RBBP8: variants seen among roughly 807,000 people sequenced by gnomAD.
RBBP8 encodes the protein DNA endonuclease RBBP8.
Under a neutral mutation model 108.3 loss-of-function variants are expected in RBBP8, and 88 were observed. That is an observed-to-expected ratio of 0.81 (90% confidence interval 0.68 to 0.97). RBBP8 has a LOEUF of 0.97. RBBP8 is among the 50% of genes least tolerant of loss of function. RBBP8 has a pLI of 0.00. For synonymous variants in RBBP8, 332 were observed against 348.2 expected, an observed-to-expected ratio of 0.95 and a Z score of 0.52; for missense variants, 1,023 against 1,049.0, an observed-to-expected ratio of 0.98 and a Z score of 0.34.
At chr18:22,999,043 C>G (rs1461928970) in intron 14 of RBBP8, among the ~76,000 whole-genome samples, 1 of 152,060 alleles carries the variant, frequency 6.6e-6, no homozygotes, top group African/African-American at 2.4e-5. Context: ...AAAGTATGAC[C>G]ACTTTAAATC....
chr18:22,995,046 A>T (rs1166362021), intron 12 of RBBP8, among the ~76,000 whole-genome samples: 5 of 149,968 alleles, frequency 3.3e-5, no homozygotes, highest in African/African-American at 7.4e-5. Context: ...TAAAAAAGTA[A>T]TTTTTTTTTT....
chr18:22,943,934 T>C (rs1297944956), intron 2 of RBBP8, among the ~76,000 whole-genome samples: 1 of 152,218 alleles, frequency 6.6e-6, no homozygotes, highest in African/African-American at 2.4e-5. Flanking sequence ...CCAAAATTTA[T>C]GTATGAGTGT....
chr18:23,012,322 T>C (rs2046183240), intron 16 of RBBP8, among the ~76,000 whole-genome samples: 1 of 151,412 alleles, frequency 6.6e-6, no homozygotes, highest in Non-Finnish European at 1.5e-5. Flanking sequence ...TTAAGCTTAA[T>C]GAGGAAGATA....
rs2046287939 is a variant in RBBP8, at chr18:23,017,841, G to A, written c.2454+917G>A. 6.4e-5 allele frequency among the ~76,000 whole-genome samples: 9 copies of A among 140,824 alleles called. No homozygotes were observed. In the South Asian group the frequency reaches 2.1e-3, roughly 33 times the overall value. 92.4% of individuals were successfully genotyped at this position (140,824 alleles called of 152,430 possible). Reference sequence around the variant, plus strand: ...GGCTCACTGCAATCTCCACCTCCCAGGTTCAAGCAATTTTCCTGCCTCAGC... The same window carrying A: ...GGCTCACTGCAATCTCCACCTCCCAAGTTCAAGCAATTTTCCTGCCTCAGC... On this transcript the variant is annotated intron_variant, in intron 17 of 18. Transcript: ENST00000327155.
Position 22,975,140 on chromosome 18 carries a change from C to T in RBBP8, c.362-13C>T, listed in dbSNP as rs1322262219. 1 of 1,606,040 alleles carries T rather than the reference C, an allele frequency of 6.2e-7. No homozygotes were observed. Among genetic ancestry groups the T allele is most frequent in the East Asian group, 2.2e-5 (1 of 44,574 alleles). Reference sequence around the variant, plus strand: ...AATATATTATTTGCCTTCTTTTTCACATTGTTTTTAAGTGAATGAAAGGAA... The same window carrying T: ...AATATATTATTTGCCTTCTTTTTCATATTGTTTTTAAGTGAATGAAAGGAA... On this transcript the variant is annotated splice_polypyrimidine_tract_variant and intron_variant, in intron 5 of 18. Coordinates refer to ENST00000327155, the MANE Select transcript of RBBP8 (RefSeq NM_002894.3).
Position 23,021,196 on chromosome 18 carries a change from G to A in RBBP8, c.2455-933G>A, listed in dbSNP as rs570688680. Reference sequence around the variant, plus strand: ...AGTCTGAGACAGGTGGATCACTTGAGGTCAGGAATTCGAGACCAGCCTGGC... The same window carrying A: ...AGTCTGAGACAGGTGGATCACTTGAAGTCAGGAATTCGAGACCAGCCTGGC... On this transcript the variant is annotated intron_variant, in intron 17 of 18. Transcript: ENST00000327155. Among the ~76,000 whole-genome samples the A allele has an allele frequency of 9.9e-5, 15 of 152,248 alleles. No homozygotes were observed. The South Asian group carries it at 2.1e-3, about 21-fold the overall frequency.
chr18:22,974,305 G>A (rs1914341931), intron 5 of RBBP8, among the ~76,000 whole-genome samples: 1 of 152,098 alleles, frequency 6.6e-6, no homozygotes, highest in Non-Finnish European at 1.5e-5. Flanking sequence ...GGAAAATTTG[G>A]TGGAGATTCA....
At chr18:23,015,374 A>G (rs759326277) in intron 16 of RBBP8, among the ~76,000 whole-genome samples, 1 of 152,198 alleles carries the variant, frequency 6.6e-6, no homozygotes. Context: ...TCATTTTTAA[A>G]TAGGTTATTA....
chr18:23,023,439 T>G (rs2046405591), intron 18 of RBBP8, among the ~76,000 whole-genome samples: 1 of 152,238 alleles, frequency 6.6e-6, no homozygotes, highest in African/African-American at 2.4e-5. Context: ...TGAGAATATA[T>G]TCAGCTTTTA....
intron 3 of RBBP8, among the ~76,000 whole-genome samples, chr18:22,924,693 G>A (rs1909724635): frequency 6.6e-6 from 1 of 152,202 alleles, no homozygotes; most frequent in Non-Finnish European, 1.5e-5. Flanking sequence ...AAAATGCTGG[G>A]AGTACAGGCA....
At chr18:22,964,363 G>A (rs1913378304) in intron 4 of RBBP8, among the ~76,000 whole-genome samples, 2 of 146,952 alleles carry the variant, frequency 1.4e-5, no homozygotes, top group Non-Finnish European at 3.0e-5. Context: ...CCATTGTGCT[G>A]GAGACTTAGG....
chr18:22,966,164 T>C (rs776150408), intron 4 of RBBP8, among the ~76,000 whole-genome samples: 15 of 152,174 alleles, frequency 9.9e-5, no homozygotes, highest in Non-Finnish European at 1.5e-4. Flanking sequence ...AATATAGATA[T>C]ATCTTTACTG....
intron 9 of RBBP8, 28 bp from the exon 10 acceptor site, chr18:22,990,909 G>A: frequency 6.6e-7 from 1 of 1,504,746 alleles, no homozygotes; most frequent in African/African-American, 1.4e-5. Flanking sequence ...CCCATTACAT[G>A]GATGTGCTTC....
At chr18:23,009,524 T>TA in intron 16 of RBBP8, among the ~76,000 whole-genome samples, 1 of 149,012 alleles carries the variant, frequency 6.7e-6, no homozygotes, top group Non-Finnish European at 1.5e-5. Context: ...TATAATGTAT[T>TA]TTATATATAT....
chr18:22,926,705 T>C (rs559070512), intron 3 of RBBP8, among the ~76,000 whole-genome samples: 23 of 152,316 alleles, frequency 1.5e-4, no homozygotes, highest in South Asian at 8.3e-4. Context: ...TGAAGTCCAA[T>C]GTAGCTAGAG....
intron 4 of RBBP8, among the ~76,000 whole-genome samples, chr18:22,958,699 C>T (rs1280637196): frequency 6.6e-6 from 1 of 152,100 alleles, no homozygotes; most frequent in Non-Finnish European, 1.5e-5. Context: ...TAACACTACA[C>T]CTGACTAATT....
In RBBP8 at chr18:22,933,566, T is replaced by C. The variant is rs962022559; in HGVS notation, c.-99+2T>C. The C allele has an allele frequency of 6.5e-6, 1 of 153,114 alleles. No individual in the cohort carries two copies. The highest frequency in any genetic ancestry group is 6.6e-5 in the Admixed American group (1 of 15,262). The allele number at this position is 153,114 out of a possible 1,614,324, so 9.5% of individuals were successfully genotyped here. On this transcript the variant is annotated splice_donor_variant, in intron 1 of 18. Coordinates refer to ENST00000327155, the MANE Select transcript of RBBP8 (RefSeq NM_002894.3). LOFTEE classifies it low-confidence loss of function (5UTR_SPLICE). ...AATCCCGAGGCAATCTCGGAGGCGG[T>C]GAGTAAAAGCAATCTCTTTACCCCA...
chr18:22,984,543 C>G (rs1199537307), intron 7 of RBBP8, among the ~76,000 whole-genome samples: 1 of 152,078 alleles, frequency 6.6e-6, no homozygotes, highest in Non-Finnish European at 1.5e-5. Flanking sequence ...AGCCACTGTG[C>G]CCAGCCCAGT....
At chr18:23,003,882 C>T (rs956978327) in intron 15 of RBBP8, among the ~76,000 whole-genome samples, 2 of 151,806 alleles carry the variant, frequency 1.3e-5, no homozygotes, top group Non-Finnish European at 2.9e-5. Context: ...CACGCTGAAA[C>T]CCCGTCTCCT....
Sources: allele counts gnomAD v4.1 joint callset (sites outside exome capture counted in the v4.1 genomes callset), GRCh38; gene constraint gnomAD v4.1.1; transcripts MANE v1.5; gene names NCBI Gene and HGNC (gene_info 2026-07-23, HGNC 2026-07-21).